The following GPM6A variants were observed in gnomAD, a reference collection of about 807,000 sequenced individuals.
GPM6A encodes glycoprotein M6A.
GPM6A carries 7 observed loss-of-function variants against 32.1 expected under a neutral mutation model. That is an observed-to-expected ratio of 0.22 (90% CI 0.12 to 0.41). GPM6A has a LOEUF of 0.41. Among genes scored for constraint, GPM6A ranks in the 10% least tolerant of loss-of-function variants. GPM6A has a pLI of 1.00. For synonymous variants in GPM6A, 130 were observed against 123.4 expected, an observed-to-expected ratio of 1.05 and a Z score of -0.35; for missense variants, 235 against 347.2, an observed-to-expected ratio of 0.68 and a Z score of 2.57.
chr4:175,860,347 T>C (rs1431334160), intron 1 of GPM6A, among the ~76,000 whole-genome samples: 1 of 151,906 alleles, frequency 6.6e-6, no homozygotes, highest in Non-Finnish European at 1.5e-5. Context: ...ATTACCAATA[T>C]TAGAAATTAA....
chr4:175,799,317 G>T (rs1383681366), intron 1 of GPM6A, among the ~76,000 whole-genome samples: 1 of 151,892 alleles, frequency 6.6e-6, no homozygotes, highest in Non-Finnish European at 1.5e-5. Context: ...TTTAATTTTT[G>T]ACTCTGGACC....
At chr4:175,972,936 A>T (rs990583447) in intron 1 of GPM6A, among the ~76,000 whole-genome samples, 7 of 152,208 alleles carry the variant, frequency 4.6e-5, no homozygotes, top group African/African-American at 1.4e-4. Context: ...GCATAAACTG[A>T]GTGCTCACTA....
At chr4:175,681,205 A>G (rs961274013) in intron 2 of GPM6A, among the ~76,000 whole-genome samples, 1 of 152,176 alleles carries the variant, frequency 6.6e-6, no homozygotes, top group Non-Finnish European at 1.5e-5. Flanking sequence ...ACCATTTTGT[A>G]TTCCAACCAG....
At chr4:175,686,403 A>G (rs1285564147) in intron 2 of GPM6A, among the ~76,000 whole-genome samples, 1 of 152,208 alleles carries the variant, frequency 6.6e-6, no homozygotes, top group African/African-American at 2.4e-5. Context: ...ATAAATTGTG[A>G]TTGAAAATCT....
intron 1 of GPM6A, among the ~76,000 whole-genome samples, chr4:175,724,445 A>G (rs543245532): frequency 7.9e-4 from 120 of 152,186 alleles, no homozygotes; most frequent in Non-Finnish European, 1.5e-3. Flanking sequence ...TCGGGAGGCT[A>G]AGGTGGGGGG....
intron 1 of GPM6A, among the ~76,000 whole-genome samples, chr4:175,912,821 T>C (rs1367655125): frequency 6.6e-6 from 1 of 152,146 alleles, no homozygotes; most frequent in African/African-American, 2.4e-5. Flanking sequence ...GAGAGTTAAA[T>C]GAGGTAATGC....
chr4:175,773,426 T>C (rs1208224594), intron 1 of GPM6A, among the ~76,000 whole-genome samples: 3 of 152,100 alleles, frequency 2.0e-5, no homozygotes, highest in Admixed American at 2.0e-4. Context: ...TTGGTTGAAA[T>C]TGAAAAAGAA....
chr4:175,775,715 A>T (rs1733366831), intron 1 of GPM6A, among the ~76,000 whole-genome samples: 1 of 152,206 alleles, frequency 6.6e-6, no homozygotes, highest in Admixed American at 6.5e-5. Flanking sequence ...TTCTGGTGGT[A>T]TAAACAAGTC....
At chr4:175,729,608 T>C (rs912440994) in intron 1 of GPM6A, among the ~76,000 whole-genome samples, 3 of 151,996 alleles carry the variant, frequency 2.0e-5, no homozygotes, top group African/African-American at 7.2e-5. Context: ...GTGGATTGTT[T>C]GGAACAAAAA....
intron 1 of GPM6A, among the ~76,000 whole-genome samples, chr4:175,772,701 T>A (rs1304572358): frequency 6.6e-6 from 1 of 152,174 alleles, no homozygotes; most frequent in Non-Finnish European, 1.5e-5. Context: ...TTCTCTTGGG[T>A]TCAGCATCCA....
intron 1 of GPM6A, among the ~76,000 whole-genome samples, chr4:175,706,569 C>A (rs1205798458): frequency 1.3e-5 from 2 of 152,174 alleles, no homozygotes; most frequent in African/African-American, 4.8e-5. Flanking sequence ...GCTGATTGCT[C>A]TTCTCCTGAC....
intron 1 of GPM6A, among the ~76,000 whole-genome samples, chr4:175,804,286 C>T (rs7675587): frequency 0.12 from 18,045 of 152,136 alleles, 1,659 homozygotes; most frequent in African/African-American, 0.26. Context: ...AATTTAAATG[C>T]CCTTATTGTG....
intron 1 of GPM6A, among the ~76,000 whole-genome samples, chr4:175,969,512 C>T (rs1358689593): frequency 6.6e-6 from 1 of 152,052 alleles, no homozygotes; most frequent in African/African-American, 2.4e-5. Flanking sequence ...AGTTCGAAGC[C>T]AGCCTGGCCA....
chr4:175,731,076 AC>A (rs1731406712), intron 1 of GPM6A, among the ~76,000 whole-genome samples: 1 of 152,124 alleles, frequency 6.6e-6, no homozygotes, highest in African/African-American at 2.4e-5. Flanking sequence ...CTATCAGAAG[AC>A]GTTGAATATC....
Position 175,930,052 on chromosome 4 carries a change from C to T in GPM6A, c.-23+72257G>A, listed in dbSNP as rs183173371. ...GCTAAAAATCGTTAATCTTAACTTT[C>T]TTTTCTCTGGTTCTTTTTGTTCTCA... On this transcript the variant is annotated intron_variant, in intron 1 of 7. Transcript: ENST00000280187. Among the ~76,000 whole-genome samples the T allele has an allele frequency of 3.3e-5, 5 of 152,192 alleles. No homozygotes were observed. The South Asian group carries it at 1.0e-3, about 32-fold the overall frequency.
intron 1 of GPM6A, among the ~76,000 whole-genome samples, chr4:175,906,046 A>C (rs994508703): frequency 6.6e-6 from 1 of 152,144 alleles, no homozygotes; most frequent in African/African-American, 2.4e-5. Context: ...AATGGTTTCA[A>C]TAAGAGTGAA....
chr4:175,778,701 GT>G (rs1208473588), intron 1 of GPM6A, among the ~76,000 whole-genome samples: 3 of 146,398 alleles, frequency 2.0e-5, no homozygotes, highest in Non-Finnish European at 4.5e-5. Context: ...AAACAACATA[GT>G]TTTTTCCTTA....
intron 2 of GPM6A, among the ~76,000 whole-genome samples, chr4:175,694,649 T>C (rs991437417): frequency 6.6e-6 from 1 of 152,140 alleles, no homozygotes; most frequent in African/African-American, 2.4e-5. Context: ...ATGGAACTTA[T>C]ATTTAAAGGG....
At chr4:175,677,881 C>T (rs1743466228) in intron 2 of GPM6A, among the ~76,000 whole-genome samples, 1 of 152,124 alleles carries the variant, frequency 6.6e-6, no homozygotes, top group African/African-American at 2.4e-5. Flanking sequence ...ATTGCTAGTC[C>T]ATTGAATAAT....
Sources: allele counts gnomAD v4.1 joint callset (sites outside exome capture counted in the v4.1 genomes callset), GRCh38; gene constraint gnomAD v4.1.1; transcripts MANE v1.5; gene names NCBI Gene and HGNC (gene_info 2026-07-23, HGNC 2026-07-21).